Variants in REV3L observed in about 807,000 individuals in gnomAD.
REV3L encodes DNA polymerase zeta catalytic subunit.
REV3L carries 69 observed loss-of-function variants against 299.4 expected under a neutral mutation model. The ratio of observed to expected loss-of-function variants is 0.23; its 90% CI spans 0.19 to 0.28. The LOEUF (loss-of-function observed/expected upper bound fraction) is 0.28. Ranked by LOEUF, REV3L falls within the 10% of genes least tolerant of loss-of-function variation. REV3L has a pLI of 1.00. For synonymous variants in REV3L, 1,238 were observed against 1,271.4 expected, an observed-to-expected ratio of 0.97 and a Z score of 0.56; for missense variants, 3,128 against 3,693.8, an observed-to-expected ratio of 0.85 and a Z score of 3.97.
chr6:111,464,505 G>A (rs1791181471), intron 1 of REV3L, among the ~76,000 whole-genome samples: 1 of 151,752 alleles, frequency 6.6e-6, no homozygotes, highest in African/African-American at 2.4e-5. Flanking sequence ...TTTAGAAACA[G>A]AAAAAATGTA....
intron 1 of REV3L, among the ~76,000 whole-genome samples, 169 bp downstream of exon 1, chr6:111,482,581 T>C (rs1793882054): frequency 6.6e-6 from 1 of 151,628 alleles, no homozygotes. Flanking sequence ...TTTTTGCGGC[T>C]CTTGTCACGC....
chr6:111,365,672 G>T (rs1489111755), intron 14 of REV3L, among the ~76,000 whole-genome samples: 10 of 152,008 alleles, frequency 6.6e-5, no homozygotes, highest in Admixed American at 6.6e-4. Context: ...TGCCCTTGTG[G>T]GGTCTAGAGA....
intron 1 of REV3L, among the ~76,000 whole-genome samples, chr6:111,457,062 C>T (rs1462730638): frequency 6.6e-6 from 1 of 151,896 alleles, no homozygotes; most frequent in South Asian, 2.1e-4. Flanking sequence ...AAAAGGCATC[C>T]CATTTATACT....
intron 4 of REV3L, among the ~76,000 whole-genome samples, chr6:111,403,476 T>C (rs760745601): frequency 4.6e-5 from 7 of 150,676 alleles, no homozygotes; most frequent in Non-Finnish European, 7.5e-5. Context: ...ATTTTGTGTC[T>C]CTCTGTCACA....
At chr6:111,446,442 G>A (rs1055382306) in intron 1 of REV3L, among the ~76,000 whole-genome samples, 12 of 152,064 alleles carry the variant, frequency 7.9e-5, no homozygotes, top group Non-Finnish European at 1.8e-4. Flanking sequence ...GCTGGCTCAC[G>A]CTTACAATCC....
chr6:111,382,532 G>A (rs1780935087), intron 9 of REV3L, among the ~76,000 whole-genome samples: 1 of 152,190 alleles, frequency 6.6e-6, no homozygotes, highest in Non-Finnish European at 1.5e-5. Flanking sequence ...CACCCATGAG[G>A]AGAGGATTTG....
At chr6:111,472,787 T>C (rs1454518004) in intron 1 of REV3L, among the ~76,000 whole-genome samples, 5 of 151,288 alleles carry the variant, frequency 3.3e-5, no homozygotes, top group Non-Finnish European at 7.4e-5. Flanking sequence ...CTGGAAAACT[T>C]AGAAGGAACG....
chr6:111,409,690 G>GA (rs1470078889), intron 3 of REV3L, among the ~76,000 whole-genome samples: 1 of 152,062 alleles, frequency 6.6e-6, no homozygotes. Flanking sequence ...CAATTAACTA[G>GA]AAAAAAGTAG....
intron 22 of REV3L, among the ~76,000 whole-genome samples, chr6:111,334,503 G>C (rs1775721538): frequency 6.6e-6 from 1 of 152,034 alleles, no homozygotes; most frequent in South Asian, 2.1e-4. Flanking sequence ...AAAAAGAACT[G>C]AATAGTAATC....
chr6:111,448,923 A>G (rs899930296), intron 1 of REV3L, among the ~76,000 whole-genome samples: 6 of 151,052 alleles, frequency 4.0e-5, no homozygotes, highest in African/African-American at 1.5e-4. Flanking sequence ...CCGGCCTCCC[A>G]AAGTGCTGAA....
chr6:111,329,969 T>C (rs768750508), intron 24 of REV3L, among the ~76,000 whole-genome samples: 6 of 152,208 alleles, frequency 3.9e-5, no homozygotes, highest in African/African-American at 4.8e-5. Context: ...AGAGCACTTC[T>C]ATGTGAGTTC....
chr6:111,451,072 G>A (rs1362074609), intron 1 of REV3L, among the ~76,000 whole-genome samples: 2 of 152,186 alleles, frequency 1.3e-5, no homozygotes, highest in East Asian at 3.9e-4. Context: ...AAGTGTAAGT[G>A]GATGCCATGG....
At chr6:111,393,870 A>T (rs1003511277) in intron 4 of REV3L, among the ~76,000 whole-genome samples, 2 of 152,122 alleles carry the variant, frequency 1.3e-5, no homozygotes, top group Non-Finnish European at 2.9e-5. Context: ...CAGTAAGAAC[A>T]TGTGATATTT....
rs768588111 is a variant in REV3L at position 111,343,919 on chromosome 6, C to CA, written c.7538+5dup. 2.7e-6 allele frequency: 4 copies of CA among 1,500,818 alleles called. No homozygotes were observed. Among genetic ancestry groups the CA allele is most frequent in the Non-Finnish European group, 3.6e-6 (4 of 1,096,436 alleles). The allele number at this position is 1,500,818 out of a possible 1,614,324, so 93.0% of individuals were successfully genotyped here. On this transcript the variant is annotated splice_donor_region_variant and intron_variant, in intron 21 of 31. Transcript: ENST00000368802. ...TATTACCTTCTTCAGAGTTATAGAA[C>CA]AGTACCTGTATAGATCTGTCTTGTT...
At chr6:111,418,143 T>C (rs566613221) in intron 1 of REV3L, among the ~76,000 whole-genome samples, 7 of 152,206 alleles carry the variant, frequency 4.6e-5, no homozygotes, top group Non-Finnish European at 1.0e-4. Context: ...GTAACTGGTA[T>C]GCTAAACTAC....
At chr6:111,439,793 C>T (rs1448209588) in intron 1 of REV3L, among the ~76,000 whole-genome samples, 1 of 152,162 alleles carries the variant, frequency 6.6e-6, no homozygotes, top group Non-Finnish European at 1.5e-5. Flanking sequence ...AAAACCAATA[C>T]ATCTGAAAAG....
At chr6:111,386,094 C>G (rs988809101) in intron 9 of REV3L, among the ~76,000 whole-genome samples, 3 of 152,140 alleles carry the variant, frequency 2.0e-5, no homozygotes, top group Non-Finnish European at 4.4e-5. Flanking sequence ...ACTGTTAGAA[C>G]AGATGCTATC....
At chr6:111,337,343 T>C (rs1205377775) in intron 21 of REV3L, among the ~76,000 whole-genome samples, 1 of 152,148 alleles carries the variant, frequency 6.6e-6, no homozygotes, top group Non-Finnish European at 1.5e-5. Context: ...AAACAGAAAT[T>C]TTGTTTCATA....
chr6:111,309,955 C>A lies in REV3L; in HGVS notation c.8940G>T (p.Leu2980=), dbSNP rs746735749. ...GCTTGGTAATATAGTAAGTAGCATT[C>A]AGTCTCAGAGTTGGGTCCTGCAGGA... ...VEVLQDPTLR[L]NATYYITKQI... is the part of the protein sequence containing the mutation. Residue 2980 remains leucine, a synonymous_variant, in exon 30 of 32, where the codon CTG becomes CTT. Coordinates refer to ENST00000368802, the MANE Select transcript of REV3L (RefSeq NM_001372078.1). The A allele has an allele frequency of 6.2e-7, 1 of 1,614,074 alleles. No homozygotes were observed. Among genetic ancestry groups the A allele is most frequent in the Non-Finnish European group, 8.5e-7 (1 of 1,179,984 alleles).
Sources: allele counts gnomAD v4.1 joint callset (sites outside exome capture counted in the v4.1 genomes callset), GRCh38; gene constraint gnomAD v4.1.1; transcripts MANE v1.5; gene names NCBI Gene and HGNC (gene_info 2026-07-23, HGNC 2026-07-21).